ATXN10: variants seen among roughly 807,000 people sequenced by gnomAD.
ATXN10 encodes ataxin 10.
A neutral mutation model predicts 52.9 loss-of-function variants in ATXN10; 28 were observed. The ratio of observed to expected loss-of-function variants is 0.53; its 90% CI spans 0.39 to 0.73. ATXN10 has a LOEUF of 0.73. Ranked by LOEUF, ATXN10 falls within the 30% of genes least tolerant of loss-of-function variation. The probability of loss-of-function intolerance (pLI) is 0.00; values close to 1 mark genes in which losing one functional copy is unlikely to be tolerated. For synonymous variants in ATXN10, 226 were observed against 221.5 expected (o/e 1.02, Z -0.18); for missense variants, 565 against 577.0 (o/e 0.98, Z 0.21).
chr22:45,818,523 C>T lies in ATXN10; in HGVS notation c.1237+11501C>T, dbSNP rs376290534. Among the ~76,000 whole-genome samples, 43 of 152,284 alleles carry T rather than the reference C, an allele frequency of 2.8e-4. No homozygotes were observed. The highest frequency in any genetic ancestry group is 1.9e-3 in the South Asian group (9 of 4,816). Reference sequence around the variant, plus strand: ...GACGCCAGCCTGTTGTTTTTCAGAGCGAGGTTCTCAGTGTGAGCCATGTGG... The same window carrying T: ...GACGCCAGCCTGTTGTTTTTCAGAGTGAGGTTCTCAGTGTGAGCCATGTGG... On this transcript the variant is annotated intron_variant, in intron 10 of 11. Coordinates refer to ENST00000252934, the MANE Select transcript of ATXN10 (RefSeq NM_013236.4). This position sits in a 1 kb window ranked among gnomAD's most constrained non-coding sequence, Gnocchi z 4.6.
Position 45,707,989 on chromosome 22 carries a change from A to G in ATXN10, c.647+5142A>G, listed in dbSNP as rs992677063. Among the ~76,000 whole-genome samples the G allele has an allele frequency of 3.3e-5, 5 of 152,174 alleles. No individual in the cohort carries two copies. In the East Asian group the frequency reaches 9.6e-4, roughly 29 times the overall value. On this transcript the variant is annotated intron_variant, in intron 5 of 11. Transcript: ENST00000252934. ...ACAAAACTACATGGTCTTAGAATTC[A>G]TGGTTTCATTATGTTTTCTTTTCTT...
rs1424167368 is a variant in ATXN10, at chr22:45,784,813, G to A, written c.1174-22146G>A. Among the ~76,000 whole-genome samples the A allele has an allele frequency of 5.9e-5, 9 of 152,186 alleles. No homozygotes were observed. ...TTTTTTTATTTTTTAAACACCGTGG[G>A]CAAGCTGATCAACAGTTTCCAGGGC... On this transcript the variant is annotated intron_variant, in intron 9 of 11. Coordinates refer to ENST00000252934, the MANE Select transcript of ATXN10 (RefSeq NM_013236.4). This position sits in a 1 kb window ranked among gnomAD's most constrained non-coding sequence, Gnocchi z 4.2.
At position 45,757,345 on chromosome 22, in the gene ATXN10, C is replaced by T. The variant is rs1926211630; in HGVS notation, c.1173+16807C>T. On this transcript the variant is annotated intron_variant, in intron 9 of 11. Coordinates refer to ENST00000252934, the MANE Select transcript of ATXN10 (RefSeq NM_013236.4). This position sits in a 1 kb window ranked among gnomAD's most constrained non-coding sequence, Gnocchi z 4.6. ...CCTCAGAGCTTCAGTGTAACTGGAG[C>T]AATACCAGCTGATTCTAACAGTGTG... Among the ~76,000 whole-genome samples, 1 of 152,176 alleles carries T rather than the reference C, an allele frequency of 6.6e-6. No homozygotes were observed. Among genetic ancestry groups the T allele is most frequent in the Non-Finnish European group, 1.5e-5 (1 of 68,028 alleles).
chr22:45,807,541 C>A (rs1400066949), intron 10 of ATXN10, among the ~76,000 whole-genome samples: 1 of 152,186 alleles, frequency 6.6e-6, no homozygotes, highest in Non-Finnish European at 1.5e-5. Flanking sequence ...GTCCTGCAGC[C>A]CTCTGCGGCA....
At chr22:45,716,306 T>C (rs1924441951) in intron 5 of ATXN10, among the ~76,000 whole-genome samples, 1 of 151,122 alleles carries the variant, frequency 6.6e-6, no homozygotes, top group Non-Finnish European at 1.5e-5. Context: ...AGAGGAGAGC[T>C]TATTGCTTTG....
intron 5 of ATXN10, among the ~76,000 whole-genome samples, chr22:45,717,702 G>A (rs929494683): frequency 1.3e-5 from 2 of 152,134 alleles, no homozygotes; most frequent in African/African-American, 4.8e-5. Context: ...TAAACTATGT[G>A]TCAATATATT....
At chr22:45,832,118 G>T (rs1929013116) in intron 10 of ATXN10, among the ~76,000 whole-genome samples, 1 of 152,130 alleles carries the variant, frequency 6.6e-6, no homozygotes, top group Admixed American at 6.5e-5. Context: ...CTGCTCCCTT[G>T]TTCCACTCTC....
intron 1 of ATXN10, 113 bp downstream of exon 1, chr22:45,672,292 CGAGG>C: frequency 8.9e-7 from 1 of 1,129,126 alleles, no homozygotes; most frequent in Non-Finnish European, 1.1e-6. Context: ...ACGCGGAGGG[CGAGG>C]CCTGCGCGGG....
Position 45,738,777 on chromosome 22 carries a change from C to T in ATXN10, c.941C>T (p.Thr314Ile). The T allele has an allele frequency of 1.2e-6, 2 of 1,614,140 alleles. No individual in the cohort carries two copies. Among genetic ancestry groups the T allele is most frequent in the Non-Finnish European group, 1.7e-6 (2 of 1,180,012 alleles). Reference sequence around the variant, plus strand: ...CTTCTCGACGTCCTGTGCGAAATGACTGTGAATACTGAGCTGCTCGGCTAT... The same window carrying T: ...CTTCTCGACGTCCTGTGCGAAATGATTGTGAATACTGAGCTGCTCGGCTAT... ...IRLLDVLCEM[T>I]VNTELLGYLQ... Residue 314 changes from threonine (T) to isoleucine (I), a missense_variant, in exon 8 of 12, where the codon ACT becomes ATT. Physicochemically the swap from Thr to Ile is moderately conservative, Grantham distance 89 (BLOSUM62 -1). Coordinates refer to ENST00000252934, the MANE Select transcript of ATXN10 (RefSeq NM_013236.4).
chr22:45,691,382 G>A (rs1443340050), intron 2 of ATXN10, among the ~76,000 whole-genome samples: 1 of 152,260 alleles, frequency 6.6e-6, no homozygotes, highest in Non-Finnish European at 1.5e-5. Context: ...TTTGTCCCAA[G>A]GGTTTTGCTT....
At chr22:45,711,560 A>G (rs2146765522) in intron 5 of ATXN10, among the ~76,000 whole-genome samples, 1 of 152,310 alleles carries the variant, frequency 6.6e-6, no homozygotes, top group African/African-American at 2.4e-5. Flanking sequence ...ACATCGTGTC[A>G]CTGTCAGCAT....
At chr22:45,693,315 A>G (rs1004174707) in intron 3 of ATXN10, among the ~76,000 whole-genome samples, 1 of 152,224 alleles carries the variant, frequency 6.6e-6, no homozygotes, top group Non-Finnish European at 1.5e-5. Flanking sequence ...TGCTATAACA[A>G]AATGCCTTAG....
In ATXN10 at chr22:45,845,171, T is replaced by G. The variant is rs1484374426; in HGVS notation, c.*1500T>G. On this transcript the variant is annotated 3_prime_UTR_variant, in exon 12 of 12. Transcript: ENST00000252934. This position sits in a 1 kb window ranked among gnomAD's most constrained non-coding sequence, Gnocchi z 4.7. ...AACAGTGGGAGTCCCTTTTCCCTTT[T>G]AACAAGTTTGCAATAGACACTTCTT... 5 of 152,248 alleles carry G rather than the reference T, an allele frequency of 3.3e-5. No individual in the cohort carries two copies. Among genetic ancestry groups the G allele is most frequent in the Admixed American group, 6.5e-5 (1 of 15,286 alleles). 9.4% of individuals were successfully genotyped at this position (152,248 alleles called of 1,614,324 possible). A position where few individuals can be genotyped will look rare whatever the true frequency, so the allele number is the denominator to read the frequency against.
Position 45,824,515 on chromosome 22 carries a change from T to G in ATXN10, c.1237+17493T>G, listed in dbSNP as rs1199447631. Among the ~76,000 whole-genome samples, 2 of 152,210 alleles carry G rather than the reference T, an allele frequency of 1.3e-5. No homozygotes were observed. The highest frequency in any genetic ancestry group is 2.4e-5 in the African/African-American group (1 of 41,456). ...TGCTGTGTCCCCCTTCCATAGTGATTGTCTTTACTTTCCATCCCTTAGTTG... is the reference window on the plus strand; with the variant it reads ...TGCTGTGTCCCCCTTCCATAGTGATGGTCTTTACTTTCCATCCCTTAGTTG... On this transcript the variant is annotated intron_variant, in intron 10 of 11. Coordinates refer to ENST00000252934, the MANE Select transcript of ATXN10 (RefSeq NM_013236.4). This position sits in a 1 kb window ranked among gnomAD's most constrained non-coding sequence, Gnocchi z 5.2.
chr22:45,738,902 A>G, intron 8 of ATXN10, 63 bp downstream of exon 8: 5 of 1,328,378 alleles, frequency 3.8e-6, no homozygotes, highest in Non-Finnish European at 4.3e-6. Context: ...ATACTGTAAT[A>G]TAAATCCAAA....
At chr22:45,767,281 T>G (rs1926615017) in intron 9 of ATXN10, among the ~76,000 whole-genome samples, 1 of 152,198 alleles carries the variant, frequency 6.6e-6, no homozygotes, top group Non-Finnish European at 1.5e-5. Context: ...CTGTATATAT[T>G]CTGCAGAGTG....
At position 45,805,454 on chromosome 22, in the gene ATXN10, C is replaced by A. The variant is rs1302577531; in HGVS notation, c.1174-1505C>A. Among the ~76,000 whole-genome samples, 1 of 152,108 alleles carries A rather than the reference C, an allele frequency of 6.6e-6. No homozygotes were observed. The highest frequency in any genetic ancestry group is 1.9e-4 in the East Asian group (1 of 5,190). On this transcript the variant is annotated intron_variant, in intron 9 of 11. Coordinates refer to ENST00000252934, the MANE Select transcript of ATXN10 (RefSeq NM_013236.4). The surrounding 1 kb of genome is among the most constrained non-coding windows in gnomAD (Gnocchi z 4.4). Reference sequence around the variant, plus strand: ...CTAGAGGTGGAAATAACACAAATGTCCATTAGTGGGTGAATGGAAAAATGC... The same window carrying A: ...CTAGAGGTGGAAATAACACAAATGTACATTAGTGGGTGAATGGAAAAATGC...
rs372038598 is a variant in ATXN10 at position 45,709,943 on chromosome 22, C to G, written c.647+7096C>G. 3.2e-4 allele frequency among the ~76,000 whole-genome samples: 48 copies of G among 152,240 alleles called. 1 individual carries two copies. In the South Asian group the frequency reaches 9.5e-3, roughly 30 times the overall value. On this transcript the variant is annotated intron_variant, in intron 5 of 11. Coordinates refer to ENST00000252934, the MANE Select transcript of ATXN10 (RefSeq NM_013236.4). ...CTCTCACCCACTTATACTCATTAGC[C>G]CTATCTTCAAAAGGTGTTCCACATT...
At chr22:45,710,222 A>G (rs192353967) in intron 5 of ATXN10, among the ~76,000 whole-genome samples, 284 of 152,268 alleles carry the variant, frequency 1.9e-3, no homozygotes, top group African/African-American at 6.7e-3. Flanking sequence ...CTTATTTCTT[A>G]CTACTTTTAC....
Sources: gnomAD v4.1 joint callset for allele counts (sites outside exome capture counted in the v4.1 genomes callset) on GRCh38, gnomAD v4.1.1 for gene constraint, Gnocchi (gnomAD v3.1) non-coding constraint, MANE v1.5 for transcripts, NCBI Gene and HGNC (gene_info 2026-07-23, HGNC 2026-07-21) for gene names.